Variants in NSFL1C observed in about 807,000 individuals in gnomAD.
NSFL1C encodes the protein NSFL1 cofactor p47.
NSFL1C carries 14 observed loss-of-function variants against 43.1 expected under a neutral mutation model. The ratio of observed to expected loss-of-function variants is 0.32; its 90% CI spans 0.21 to 0.51. The LOEUF is 0.51. Ranked by LOEUF, NSFL1C falls within the 20% of genes least tolerant of loss-of-function variation. The pLI, the probability that NSFL1C is intolerant of heterozygous loss-of-function variation, is 0.98. For missense variants in NSFL1C, 406 were observed against 472.5 expected (o/e 0.86, Z 1.30); for synonymous variants, 171 against 183.5 (o/e 0.93, Z 0.55).
At chr20:1,461,933 T>C (rs1277136511) in intron 2 of NSFL1C, among the ~76,000 whole-genome samples, 1 of 152,190 alleles carries the variant, frequency 6.6e-6, no homozygotes, top group East Asian at 1.9e-4. Context: ...ATGGTTAACA[T>C]TTTTATGTCT....
At chr20:1,454,489 G>A (rs987000672) in intron 4 of NSFL1C, among the ~76,000 whole-genome samples, 184 bp from the exon 5 acceptor site, 3 of 152,196 alleles carry the variant, frequency 2.0e-5, no homozygotes, top group Non-Finnish European at 2.9e-5. Context: ...CAGGCAGTAT[G>A]GTAAATGAAT....
rs578034440 is a variant in NSFL1C, at chr20:1,460,834, T to C, written c.204-2560A>G. On this transcript the variant is annotated intron_variant, in intron 2 of 8. Coordinates refer to ENST00000216879, the MANE Select transcript of NSFL1C (RefSeq NM_016143.5). ...CGTGTAATTTTAGAGAATCAGACAA[T>C]CGTAGTTCCCGGAAGTTTAAAGTAC... Among the ~76,000 whole-genome samples, 21 of 152,318 alleles carry C rather than the reference T, an allele frequency of 1.4e-4. 1 individual carries two copies. The highest frequency in any genetic ancestry group is 5.1e-4 in the African/African-American group (21 of 41,564).
chr20:1,442,534 GGTTT>G lies in NSFL1C; in HGVS notation c.*1211_*1214del, dbSNP rs753130269. ...CTGAGTCAGCACTGATTCTGTCTCT[GGTTT>G]GTTTAATACGGGAAAGGGTTCCATC... On this transcript the variant is annotated 3_prime_UTR_variant, in exon 9 of 9. Transcript: ENST00000216879. The G allele has an allele frequency of 8.5e-5, 13 of 152,182 alleles. No individual in the cohort carries two copies. The highest frequency in any genetic ancestry group is 1.6e-4 in the Non-Finnish European group (11 of 68,048). The allele number at this position is 152,182 out of a possible 1,614,324, so 9.4% of individuals were successfully genotyped here.
At chr20:1,453,211 G>A (rs2090221584) in intron 5 of NSFL1C, 71 bp from the exon 6 acceptor site, 1 of 848,634 alleles carries the variant, frequency 1.2e-6, no homozygotes, top group South Asian at 1.3e-5. Flanking sequence ...CAAATTAGCA[G>A]GTTTTTACTA....
At chr20:1,447,351 T>A (rs895115697) in intron 7 of NSFL1C, among the ~76,000 whole-genome samples, 4 of 152,112 alleles carry the variant, frequency 2.6e-5, no homozygotes, top group African/African-American at 9.7e-5. Flanking sequence ...CCATGGCTCA[T>A]GGGCCGTATG....
chr20:1,445,941 G>A, intron 7 of NSFL1C, 111 bp from the exon 8 acceptor site: 3 of 1,179,766 alleles, frequency 2.5e-6, no homozygotes, highest in Non-Finnish European at 3.6e-6. Flanking sequence ...GCATTGTTTG[G>A]TGCTGCTGAT....
At chr20:1,449,073 G>A (rs1366397618) in intron 7 of NSFL1C, among the ~76,000 whole-genome samples, 2 of 152,210 alleles carry the variant, frequency 1.3e-5, no homozygotes. Flanking sequence ...CAGGTTGGCA[G>A]GTAAAGGCAG....
At chr20:1,466,667 C>T (rs2090520133) in intron 1 of NSFL1C, 53 bp downstream of exon 1, 3 of 1,493,480 alleles carry the variant, frequency 2.0e-6, no homozygotes, top group East Asian at 5.2e-5. Flanking sequence ...GCACCAGGCG[C>T]CCGCTCCCAG....
chr20:1,443,674 G>C lies in NSFL1C; in HGVS notation c.*75C>G. ...CTGCTGGGTGTGCACAAGGGGGCAG[G>C]AGGGGCGATCCCCATGGGGCATGGC... On this transcript the variant is annotated 3_prime_UTR_variant, in exon 9 of 9. Coordinates refer to ENST00000216879, the MANE Select transcript of NSFL1C (RefSeq NM_016143.5). 1 of 1,524,398 alleles carries C rather than the reference G, an allele frequency of 6.6e-7. No individual in the cohort carries two copies. 94.4% of individuals were successfully genotyped at this position (1,524,398 alleles called of 1,614,324 possible). A position where few individuals can be genotyped will look rare whatever the true frequency, so the allele number is the denominator to read the frequency against.
chr20:1,464,273 A>G, intron 2 of NSFL1C, 56 bp downstream of exon 2: 4 of 1,496,466 alleles, frequency 2.7e-6, no homozygotes, highest in Non-Finnish European at 3.7e-6. Context: ...GTCAGAAAAT[A>G]GCTCCTCTTC....
rs35828562 is a variant in NSFL1C at position 1,443,792 on chromosome 20, T to C, written c.1070A>G (p.Glu357Gly). Residue 357 changes from glutamate (E) to glycine (G), a missense_variant, in exon 9 of 9, where the codon GAA (glutamate) becomes GGA (glycine). Physicochemically the swap from Glu to Gly is moderately conservative, Grantham distance 98. Transcript: ENST00000216879. ...GATGACAGCATTGAGCAGGTTGGCT[T>C]CCTTCAGGGTCTGGCTCTCATCAGC... ...ELADESQTLK[E>G]ANLLNAVIVQ... The C allele has an allele frequency of 1.9e-6, 3 of 1,614,048 alleles. No homozygotes were observed. The highest frequency in any genetic ancestry group is 2.5e-6 in the Non-Finnish European group (3 of 1,180,036).
intron 3 of NSFL1C, chr20:1,455,803 G>GA: frequency 1.3e-6 from 1 of 774,730 alleles, no homozygotes; most frequent in Non-Finnish European, 2.4e-6. Context: ...AAGGTGGTGT[G>GA]ACACAGCACC....
At position 1,443,645 on chromosome 20, in the gene NSFL1C, T is replaced by C; in HGVS notation, c.*104A>G. The C allele has an allele frequency of 8.4e-7, 1 of 1,195,568 alleles. No homozygotes were observed. The allele number at this position is 1,195,568 out of a possible 1,614,324, so 74.1% of individuals were successfully genotyped here. A position where few individuals can be genotyped will look rare whatever the true frequency, so the allele number is the denominator to read the frequency against. ...CAGAGCTATGGAGGAGACGTTGCAC[T>C]GGACTGCTGGGTGTGCACAAGGGGG... On this transcript the variant is annotated 3_prime_UTR_variant, in exon 9 of 9. Coordinates refer to ENST00000216879, the MANE Select transcript of NSFL1C (RefSeq NM_016143.5).
chr20:1,446,025 G>A (rs2090052161), intron 7 of NSFL1C, 195 bp from the exon 8 acceptor site: 1 of 617,096 alleles, frequency 1.6e-6, no homozygotes, highest in Non-Finnish European at 2.9e-6. Context: ...CAAACCCTGA[G>A]TCATATATTT....
Position 1,455,086 on chromosome 20 carries a change from G to A in NSFL1C, c.325C>T (p.Pro109Ser), listed in dbSNP as rs1308531101. Reference sequence around the variant, plus strand: ...TCGTTGGGACTTTTCTTCCTGGGAGGGCCAACAATCTGCTGTCCACTTCTC... The same window carrying A: ...TCGTTGGGACTTTTCTTCCTGGGAGAGCCAACAATCTGCTGTCCACTTCTC... ...SERSGQQIVG[P>S]PRKKSPNELV... The change falls in exon 4 of 9, where the codon CCT becomes TCT. Residue 109 changes from proline (P) to serine (S), a missense_variant. This residue lies in a region of NSFL1C where 203 missense variants were observed against 216.3 expected (regional missense o/e 0.94). Coordinates refer to ENST00000216879, the MANE Select transcript of NSFL1C (RefSeq NM_016143.5). 5.6e-6 allele frequency: 9 copies of A among 1,614,086 alleles called. No homozygotes were observed. The highest frequency in any genetic ancestry group is 7.6e-6 in the Non-Finnish European group (9 of 1,180,010).
chr20:1,452,353 C>A, intron 7 of NSFL1C, 140 bp downstream of exon 7: 1 of 1,159,008 alleles, frequency 8.6e-7, no homozygotes, highest in African/African-American at 1.5e-5. Flanking sequence ...GTTCTCCACA[C>A]TCTTCCTCCC....
intron 3 of NSFL1C, chr20:1,457,959 T>A (rs2090335849): frequency 2.5e-6 from 1 of 406,590 alleles, no homozygotes; most frequent in African/African-American, 2.0e-5. Flanking sequence ...GACTGCTAGA[T>A]CTTTTCCTTG....
At chr20:1,457,887 G>A (rs74755660) in intron 3 of NSFL1C, 6 of 270,672 alleles carry the variant, frequency 2.2e-5, no homozygotes, top group East Asian at 1.6e-4. Flanking sequence ...CAATGAGCAC[G>A]GGAACGTAGA....
intron 2 of NSFL1C, chr20:1,464,099 T>C (rs2090464011): frequency 4.3e-6 from 2 of 461,178 alleles, no homozygotes; most frequent in East Asian, 3.3e-5. Flanking sequence ...GTCTTAAAAG[T>C]AGGTTTGTGG....
Sources: allele counts gnomAD v4.1 joint callset (sites outside exome capture counted in the v4.1 genomes callset), GRCh38; gene constraint gnomAD v4.1.1; regional missense constraint gnomAD v4.1.1; transcripts MANE v1.5; gene names NCBI Gene and HGNC (gene_info 2026-07-23, HGNC 2026-07-21).